The following KLF7 variants were observed in gnomAD, a reference collection of about 807,000 sequenced individuals.
KLF7 encodes the protein KLF transcription factor 7.
Under a neutral mutation model 27.3 loss-of-function variants are expected in KLF7, and 2 were observed. That is an observed-to-expected ratio of 0.07 (90% CI 0.03 to 0.23). The LOEUF is 0.23. KLF7 is among the 10% of genes least tolerant of loss of function. KLF7 has a pLI of 1.00. For missense variants in KLF7, 221 were observed against 394.1 expected (o/e 0.56, Z 3.72); for synonymous variants, 165 against 162.4 (o/e 1.02, Z -0.12).
At chr2:207,157,338 T>C (rs2078416327) in intron 1 of KLF7, among the ~76,000 whole-genome samples, 1 of 151,228 alleles carries the variant, frequency 6.6e-6, no homozygotes, top group African/African-American at 2.4e-5. Context: ...AGTTGGCTGG[T>C]AGCAAGGGAG....
chr2:207,134,472 G>A (rs933154149), intron 1 of KLF7, among the ~76,000 whole-genome samples: 15 of 152,052 alleles, frequency 9.9e-5, no homozygotes, highest in African/African-American at 2.7e-4. Flanking sequence ...CTTCCACTGC[G>A]GAATGTTAAA....
chr2:207,130,135 GGTTT>G (rs979765160), intron 1 of KLF7, among the ~76,000 whole-genome samples: 19 of 93,156 alleles, frequency 2.0e-4, no homozygotes, highest in Non-Finnish European at 2.5e-4. Context: ...TTACCTAAAG[GGTTT>G]CTTTCCTTCA....
intron 2 of KLF7, among the ~76,000 whole-genome samples, chr2:207,103,687 T>G (rs565786671): frequency 1.3e-5 from 2 of 152,332 alleles, no homozygotes; most frequent in South Asian, 4.1e-4. Flanking sequence ...GTCCTAGCTG[T>G]TACCACTTAT....
intron 1 of KLF7, among the ~76,000 whole-genome samples, chr2:207,141,665 T>C (rs983464235): frequency 1.3e-5 from 2 of 152,148 alleles, no homozygotes; most frequent in Non-Finnish European, 2.9e-5. Context: ...ATTGTTTCAA[T>C]GTTGGCAATG....
intron 1 of KLF7, among the ~76,000 whole-genome samples, chr2:207,139,573 G>C (rs568831851): frequency 2.6e-4 from 40 of 151,922 alleles, no homozygotes; most frequent in African/African-American, 9.4e-4. Context: ...TTATCTCTTA[G>C]TACCTTGGAA....
intron 1 of KLF7, among the ~76,000 whole-genome samples, chr2:207,139,691 C>G (rs1169357569): frequency 1.3e-5 from 2 of 152,132 alleles, no homozygotes; most frequent in Non-Finnish European, 2.9e-5. Flanking sequence ...GTAATCTCTC[C>G]TGGTGAGACT....
At chr2:207,147,610 C>T (rs1248604806) in intron 1 of KLF7, among the ~76,000 whole-genome samples, 2 of 152,164 alleles carry the variant, frequency 1.3e-5, no homozygotes, top group African/African-American at 4.8e-5. Flanking sequence ...CTTCTATCCC[C>T]CACTCCACCC....
At chr2:207,127,357 G>T (rs531476067) in intron 1 of KLF7, among the ~76,000 whole-genome samples, 1 of 152,320 alleles carries the variant, frequency 6.6e-6, no homozygotes, top group African/African-American at 2.4e-5. Flanking sequence ...TGCTGGAGAT[G>T]AAGTTAAGGT....
the KLF7 span, among the ~76,000 whole-genome samples, chr2:207,172,454 G>C: frequency 6.6e-6 from 1 of 152,066 alleles, no homozygotes. Flanking sequence ...GTAAAACTTT[G>C]ATTAAATAGA....
intron 1 of KLF7, chr2:207,149,294 T>A: frequency 2.0e-6 from 1 of 490,560 alleles, no homozygotes; most frequent in Non-Finnish European, 3.4e-6. Flanking sequence ...TCTTCTAGAC[T>A]AGCCATACAT....
At chr2:207,092,665 G>A (rs1396481947) in intron 2 of KLF7, among the ~76,000 whole-genome samples, 2 of 152,202 alleles carry the variant, frequency 1.3e-5, no homozygotes, top group Non-Finnish European at 2.9e-5. Flanking sequence ...CTAAACCAGT[G>A]TGGCATTTTG....
Position 207,139,710 on chromosome 2 carries a change from T to G in KLF7, c.103-15306A>C, listed in dbSNP as rs148325075. Among the ~76,000 whole-genome samples the G allele has an allele frequency of 2.8e-3, 428 of 152,292 alleles. 8 individuals carry two copies. The highest frequency in any genetic ancestry group is 1.5e-3 in the Non-Finnish European group (104 of 68,018). On this transcript the variant is annotated intron_variant, in intron 1 of 3. Coordinates refer to ENST00000309446, the MANE Select transcript of KLF7 (RefSeq NM_003709.4). ...TCTCTCCTGGTGAGACTGGGGCAAA[T>G]AGTCTTGGTTTTGACAACACCCTTA...
intron 2 of KLF7, among the ~76,000 whole-genome samples, chr2:207,115,571 T>G (rs962435730): frequency 6.6e-5 from 10 of 152,220 alleles, no homozygotes; most frequent in Non-Finnish European, 1.5e-4. Context: ...TAAGTGATCT[T>G]GCCTCGACCA....
At chr2:207,117,689 A>C (rs753459047) in intron 2 of KLF7, among the ~76,000 whole-genome samples, 9 of 152,178 alleles carry the variant, frequency 5.9e-5, no homozygotes, top group Non-Finnish European at 1.3e-4. Context: ...TGAGGTATTA[A>C]ATTTTATCCT....
chr2:207,142,850 A>G (rs950464253), intron 1 of KLF7, among the ~76,000 whole-genome samples: 1 of 152,188 alleles, frequency 6.6e-6, no homozygotes, highest in South Asian at 2.1e-4. Context: ...AATGTCTTCT[A>G]TTTTTGGCTG....
intron 1 of KLF7, among the ~76,000 whole-genome samples, chr2:207,144,169 A>G (rs142421507): frequency 0.028 from 2,968 of 104,924 alleles, 47 homozygotes; most frequent in African/African-American, 0.059. Context: ...CGGGGGGGAG[A>G]AAAAAAAAAA....
chr2:207,165,405 A>T, intron 1 of KLF7, 62 bp downstream of exon 1: 1 of 1,611,402 alleles, frequency 6.2e-7, no homozygotes, highest in Non-Finnish European at 8.5e-7. Flanking sequence ...AGCCCACACC[A>T]ACGCAGCCCC....
chr2:207,116,000 G>C (rs1018223864), intron 2 of KLF7, among the ~76,000 whole-genome samples: 3 of 152,100 alleles, frequency 2.0e-5, no homozygotes, highest in Admixed American at 1.3e-4. Flanking sequence ...TAGGTACTTA[G>C]GTAGGGAATG....
intron 1 of KLF7, among the ~76,000 whole-genome samples, chr2:207,142,539 A>G (rs956048304): frequency 1.3e-5 from 2 of 152,232 alleles, no homozygotes; most frequent in Non-Finnish European, 2.9e-5. Flanking sequence ...ACATGCGACT[A>G]AGCACTAGGC....
Sources: allele counts gnomAD v4.1 joint callset (sites outside exome capture counted in the v4.1 genomes callset), GRCh38; gene constraint gnomAD v4.1.1; transcripts MANE v1.5; gene names NCBI Gene and HGNC (gene_info 2026-07-23, HGNC 2026-07-21).